CENPP: variants seen among roughly 807,000 people sequenced by gnomAD.
CENPP encodes the protein centromere protein P.
In CENPP, 24 loss-of-function variants were observed where a neutral mutation model predicts 35.6. That is an observed-to-expected ratio of 0.67 (90% CI 0.49 to 0.95). The LOEUF is 0.95. Among genes scored for constraint, CENPP ranks in the 40% least tolerant of loss-of-function variants. The pLI, the probability that CENPP is intolerant of heterozygous loss-of-function variation, is 0.00. For synonymous variants in CENPP, 120 were observed against 125.5 expected, an observed-to-expected ratio of 0.96 and a Z score of 0.29; for missense variants, 332 against 345.3, an observed-to-expected ratio of 0.96 and a Z score of 0.31.
intron 5 of CENPP, chr9:92,611,060 G>A (rs1203716380): frequency 1.8e-6 from 1 of 569,502 alleles, no homozygotes; most frequent in Non-Finnish European, 3.1e-6. Context: ...TGAGAATACA[G>A]CTGTAGGGAG....
chr9:92,458,045 T>A (rs1170912824), intron 5 of CENPP, among the ~76,000 whole-genome samples: 1 of 152,340 alleles, frequency 6.6e-6, no homozygotes, highest in Non-Finnish European at 1.5e-5. Flanking sequence ...TAAGTTGTTT[T>A]GTAGAAAGAT....
chr9:92,461,220 A>G (rs1050893257), intron 5 of CENPP, among the ~76,000 whole-genome samples: 3 of 152,160 alleles, frequency 2.0e-5, no homozygotes, highest in Non-Finnish European at 2.9e-5. Flanking sequence ...AAATTCTTCA[A>G]TTAGATGTCT....
chr9:92,426,670 T>C (rs1402944297), intron 5 of CENPP, among the ~76,000 whole-genome samples: 1 of 152,114 alleles, frequency 6.6e-6, no homozygotes, highest in Non-Finnish European at 1.5e-5. Context: ...AGTTACTGTA[T>C]GGCAGATGGT....
rs1476461384 is a variant in CENPP, at chr9:92,379,815, G to A, written c.520G>A (p.Val174Met). The A allele has an allele frequency of 8.7e-6, 14 of 1,613,502 alleles. No homozygotes were observed. The highest frequency in any genetic ancestry group is 2.2e-5 in the East Asian group (1 of 44,836). ...GTTTTTCCGAAGCCTGCATTTTTTT[G>A]TGGAGTGGTTTGAATATCGTAAGCG... ...FMFFRSLHFF[V>M]EWFEYRKRTF... The change falls in exon 5 of 8, where the codon GTG (valine) becomes ATG (methionine). Residue 174 changes from valine to methionine, a missense_variant. Physicochemically the swap from Val to Met is conservative, Grantham distance 21. Transcript: ENST00000375587.
At chr9:92,406,538 A>AAATAACAC (rs1843314330) in intron 5 of CENPP, among the ~76,000 whole-genome samples, 1 of 152,166 alleles carries the variant, frequency 6.6e-6, no homozygotes, top group African/African-American at 2.4e-5. Flanking sequence ...GGCTTAGTTA[A>AAATAACAC]AATAACACAC....
intron 5 of CENPP, among the ~76,000 whole-genome samples, chr9:92,568,817 G>C (rs1291728386): frequency 1.3e-5 from 2 of 152,160 alleles, no homozygotes; most frequent in African/African-American, 2.4e-5. Flanking sequence ...GTTTTGATTT[G>C]CATTTCTCTG....
chr9:92,594,732 A>C (rs968721770), intron 5 of CENPP, among the ~76,000 whole-genome samples: 4 of 151,994 alleles, frequency 2.6e-5, no homozygotes, highest in African/African-American at 9.7e-5. Context: ...GGGTGGAGGG[A>C]TCACTTGAGG....
chr9:92,441,491 G>C (rs1844385548), intron 5 of CENPP, among the ~76,000 whole-genome samples: 1 of 152,172 alleles, frequency 6.6e-6, no homozygotes, highest in African/African-American at 2.4e-5. Flanking sequence ...AGGTGCAGTG[G>C]CTCACACCTG....
intron 5 of CENPP, among the ~76,000 whole-genome samples, chr9:92,554,440 C>T (rs1261093093): frequency 6.6e-6 from 1 of 152,204 alleles, no homozygotes; most frequent in Middle Eastern, 3.2e-3. Context: ...GCATCACCCT[C>T]CCAAAGTGCT....
chr9:92,541,000 G>A (rs1849305398), intron 5 of CENPP, among the ~76,000 whole-genome samples: 1 of 152,074 alleles, frequency 6.6e-6, no homozygotes, highest in African/African-American at 2.4e-5. Context: ...AGTGGCTCAT[G>A]CCTGTAATCC....
intron 5 of CENPP, among the ~76,000 whole-genome samples, chr9:92,477,975 C>T (rs1014290972): frequency 9.2e-5 from 14 of 152,038 alleles, no homozygotes; most frequent in Non-Finnish European, 2.9e-5. Context: ...TGTCTGTCTA[C>T]GCATAACCCT....
At chr9:92,372,099 CTTTTTTTTTTTTTTTTTTTT>C (rs71362382) in intron 4 of CENPP, among the ~76,000 whole-genome samples, 1 of 30,680 alleles carries the variant, frequency 3.3e-5, no homozygotes. Context: ...TGCCAGCCAT[CTTTTTTTTTTTTTTTTTTTT>C]TTTTTTTTTT....
rs540268849 is a variant in CENPP at position 92,368,739 on chromosome 9, A to G, written c.468-11024A>G. On this transcript the variant is annotated intron_variant, in intron 4 of 7. Transcript: ENST00000375587. ...CATATGCACTGCATGATTAATATTT[A>G]AAAGTTAAGAATAAATGGCTCAGAT... 5.9e-5 allele frequency among the ~76,000 whole-genome samples: 9 copies of G among 152,260 alleles called. No individual in the cohort carries two copies. In the South Asian group the frequency reaches 1.9e-3, roughly 32 times the overall value.
intron 5 of CENPP, among the ~76,000 whole-genome samples, chr9:92,568,933 T>A (rs1051235837): frequency 6.6e-6 from 1 of 152,184 alleles, no homozygotes; most frequent in African/African-American, 2.4e-5. Flanking sequence ...GATGGGGTTG[T>A]TTTTTTCTTG....
At chr9:92,542,138 G>T (rs886883129) in intron 5 of CENPP, among the ~76,000 whole-genome samples, 4 of 152,086 alleles carry the variant, frequency 2.6e-5, no homozygotes, top group Admixed American at 2.6e-4. Context: ...AGATCATCCG[G>T]TAGTTCTACT....
intron 5 of CENPP, among the ~76,000 whole-genome samples, chr9:92,554,056 G>C (rs2131332106): frequency 6.6e-6 from 1 of 152,248 alleles, no homozygotes; most frequent in East Asian, 1.9e-4. Context: ...GTCGTAGATG[G>C]CTTTTATTAC....
intron 1 of CENPP, among the ~76,000 whole-genome samples, chr9:92,328,985 A>T (rs1284266183): frequency 6.6e-6 from 1 of 152,114 alleles, no homozygotes; most frequent in South Asian, 2.1e-4. Context: ...AAACTGAAAC[A>T]CCATACCTAT....
intron 5 of CENPP, among the ~76,000 whole-genome samples, chr9:92,573,550 G>T (rs1219703217): frequency 6.6e-6 from 1 of 152,204 alleles, no homozygotes; most frequent in Non-Finnish European, 1.5e-5. Context: ...GGGGGTCAGG[G>T]ACCCACTTGA....
Position 92,592,348 on chromosome 9 carries a change from C to A in CENPP, c.565-18966C>A, listed in dbSNP as rs148082972. ...CTGCTGGCTCCTGACAGCAGGGATC[C>A]ACTAGCCTGCTCTAGAACCTGATGT... On this transcript the variant is annotated intron_variant, in intron 5 of 7. Coordinates refer to ENST00000375587, the MANE Select transcript of CENPP (RefSeq NM_001012267.3). Among the ~76,000 whole-genome samples the A allele has an allele frequency of 8.0e-3, 1,219 of 152,228 alleles. 23 individuals carry two copies. Among genetic ancestry groups the A allele is most frequent in the African/African-American group, 0.028 (1,151 of 41,532 alleles).
Sources: allele counts gnomAD v4.1 joint callset (sites outside exome capture counted in the v4.1 genomes callset), GRCh38; gene constraint gnomAD v4.1.1; transcripts MANE v1.5; gene names NCBI Gene and HGNC (gene_info 2026-07-23, HGNC 2026-07-21).